Variants in TSPAN13 observed in about 807,000 individuals in gnomAD.
TSPAN13 encodes the protein tetraspanin 13.
Under a neutral mutation model 26.9 loss-of-function variants are expected in TSPAN13, and 18 were observed. That is an observed-to-expected ratio of 0.67 (90% confidence interval 0.46 to 0.99). The LOEUF is 0.99. TSPAN13 is among the 50% of genes least tolerant of loss of function. The pLI, the probability that TSPAN13 is intolerant of heterozygous loss-of-function variation, is 0.00. For missense variants in TSPAN13, 201 were observed against 249.6 expected, an observed-to-expected ratio of 0.81 and a Z score of 1.31; for synonymous variants, 116 against 98.4, an observed-to-expected ratio of 1.18 and a Z score of -1.06.
intron 1 of TSPAN13, among the ~76,000 whole-genome samples, chr7:16,774,967 T>C (rs763094152): frequency 4.6e-5 from 7 of 152,254 alleles, no homozygotes; most frequent in Non-Finnish European, 1.0e-4. Flanking sequence ...CCTGACAAAC[T>C]ATTGTATTAC....
chr7:16,776,878 A>G (rs1237495335), intron 2 of TSPAN13, among the ~76,000 whole-genome samples, 164 bp from the exon 3 acceptor site: 2 of 152,224 alleles, frequency 1.3e-5, no homozygotes, highest in Non-Finnish European at 2.9e-5. Flanking sequence ...ATGTATTACC[A>G]AAATAATAAT....
At position 16,753,803 on chromosome 7, in the gene TSPAN13, GC is replaced by G. The variant is rs1249289864; in HGVS notation, c.-163del. 8.9e-5 allele frequency: 53 copies of G among 596,950 alleles called. No homozygotes were observed. The highest frequency in any genetic ancestry group is 1.2e-4 in the Non-Finnish European group (46 of 370,096). 37.0% of individuals were successfully genotyped at this position (596,950 alleles called of 1,614,324 possible). A position where few individuals can be genotyped will look rare whatever the true frequency, so the allele number is the denominator to read the frequency against. On this transcript the variant is annotated 5_prime_UTR_variant, in exon 1 of 6. Transcript: ENST00000262067. ...GGTTCCAAAGCGGGTCCGAGCCGCCGCCGCGCGCGCGCCGCGCACTGCAGCC... is the reference window on the plus strand; with the variant it reads ...GGTTCCAAAGCGGGTCCGAGCCGCCGCGCGCGCGCGCCGCGCACTGCAGCC...
At chr7:16,761,062 G>A (rs117161352) in intron 1 of TSPAN13, among the ~76,000 whole-genome samples, 4 of 152,140 alleles carry the variant, frequency 2.6e-5, no homozygotes, top group Non-Finnish European at 5.9e-5. Context: ...TTGGAACTTT[G>A]TTGGCAGCTG....
In TSPAN13 at chr7:16,776,347, C is replaced by T. The variant is rs1784745082; in HGVS notation, c.200C>T (p.Ala67Val). The change falls in exon 2 of 6, where the codon GCT becomes GTT. Residue 67 changes from alanine (A) to valine (V), a missense_variant. Ala to Val is a moderately conservative substitution (Grantham distance 64). Coordinates refer to ENST00000262067, the MANE Select transcript of TSPAN13 (RefSeq NM_014399.4). The part of the protein sequence containing the change: ...FLIALVGLIG[A>V]VKHHQVLLFF... ...ATTGCTTTAGTGGGTCTGATTGGAG[C>T]TGTAAAACATCATCAGGTGTTGCTA... is the stretch of plus-strand genomic sequence containing the variant. The T allele has an allele frequency of 6.2e-7, 1 of 1,613,880 alleles. No homozygotes were observed. Among genetic ancestry groups the T allele is most frequent in the Admixed American group, 1.7e-5 (1 of 59,978 alleles).
chr7:16,758,749 C>T (rs1784509420), intron 1 of TSPAN13, among the ~76,000 whole-genome samples: 1 of 131,898 alleles, frequency 7.6e-6, no homozygotes, highest in Non-Finnish European at 1.7e-5. Flanking sequence ...TCTTGTAATA[C>T]CCTTTTTTTT....
chr7:16,764,897 G>C (rs563917741), intron 1 of TSPAN13, among the ~76,000 whole-genome samples: 1 of 151,812 alleles, frequency 6.6e-6, no homozygotes, highest in South Asian at 2.1e-4. Flanking sequence ...TTAGTGCCAT[G>C]GTGTTCTCTC....
chr7:16,760,086 C>T (rs1462944745), intron 1 of TSPAN13, among the ~76,000 whole-genome samples: 3 of 152,114 alleles, frequency 2.0e-5, no homozygotes, highest in African/African-American at 7.2e-5. Context: ...TCAGAGAAGT[C>T]AGGGGTGGAC....
intron 3 of TSPAN13, 36 bp from the exon 4 acceptor site, chr7:16,777,762 G>C (rs1451275458): frequency 1.3e-6 from 2 of 1,514,592 alleles, no homozygotes; most frequent in African/African-American, 2.7e-5. Context: ...TTTTCTGCAG[G>C]GATGACACAT....
chr7:16,779,400 G>T (rs192047225), intron 5 of TSPAN13, among the ~76,000 whole-genome samples: 64 of 152,196 alleles, frequency 4.2e-4, no homozygotes, highest in African/African-American at 1.5e-3. Flanking sequence ...CTACAGTTGT[G>T]TGATGAATTA....
rs1211398795 is a variant in TSPAN13, at chr7:16,753,788, C to A, written c.-180C>A. 4.1e-5 allele frequency: 20 copies of A among 491,400 alleles called. No individual in the cohort carries two copies. In the South Asian group the frequency reaches 5.5e-4, roughly 13 times the overall value. The allele number at this position is 491,400 out of a possible 1,614,324, so 30.4% of individuals were successfully genotyped here. Reference sequence around the variant, plus strand: ...GCTGCGGCGGCCGCAGGTTCCAAAGCGGGTCCGAGCCGCCGCCGCGCGCGC... The same window carrying A: ...GCTGCGGCGGCCGCAGGTTCCAAAGAGGGTCCGAGCCGCCGCCGCGCGCGC... On this transcript the variant is annotated 5_prime_UTR_variant, in exon 1 of 6. Transcript: ENST00000262067.
Position 16,779,007 on chromosome 7 carries a change from G to C in TSPAN13, c.431G>C (p.Cys144Ser). 1 of 1,610,616 alleles carries C rather than the reference G, an allele frequency of 6.2e-7. No individual in the cohort carries two copies. Among genetic ancestry groups the C allele is most frequent in the Non-Finnish European group, 8.5e-7 (1 of 1,177,972 alleles). The change falls in exon 5 of 6, where the codon TGT becomes TCT. Residue 144 changes from cysteine to serine, a missense_variant. Transcript: ENST00000262067. ...TTTTTACTTTAATTGGTGCAGAGCTGTGTTAAAAGTGACCACTCGTGCTCG... is the reference window on the plus strand; with the variant it reads ...TTTTTACTTTAATTGGTGCAGAGCTCTGTTAAAAGTGACCACTCGTGCTCG... Reference protein sequence around the residue: ...VNPNDTCLASCVKSDHSCSPC... With the variant: ...VNPNDTCLASSVKSDHSCSPC...
At chr7:16,754,494 T>C (rs1022384827) in intron 1 of TSPAN13, among the ~76,000 whole-genome samples, 1 of 152,210 alleles carries the variant, frequency 6.6e-6, no homozygotes, top group African/African-American at 2.4e-5. Context: ...CTGGTGTGCC[T>C]CTGGGTTAGC....
chr7:16,755,998 C>G (rs1349202647), intron 1 of TSPAN13, among the ~76,000 whole-genome samples: 1 of 152,118 alleles, frequency 6.6e-6, no homozygotes, highest in African/African-American at 2.4e-5. Flanking sequence ...CCTTTTAAAT[C>G]ATAGACTTTT....
In TSPAN13 at chr7:16,777,116, G is replaced by A. The variant is rs111619933; in HGVS notation, c.306G>A (p.Glu102=). ...VSCACLALNQ[E]QQGQLLEVGW... is the part of the protein sequence containing the mutation. ...GCGCTTGTTTAGCCCTGAACCAGGA[G>A]CAACAGGTAAGCTAAGACTTTTTTC... The change falls in exon 3 of 6, where the codon GAG becomes GAA. Residue 102 remains glutamate, a synonymous_variant. Transcript: ENST00000262067. The A allele has an allele frequency of 5.2e-4, 845 of 1,612,632 alleles. 3 individuals are homozygous for A. The African/African-American group carries it at 7.6e-3, about 15-fold the overall frequency.
At chr7:16,764,254 CCTGACCTCGTGAT>C (rs372600289) in intron 1 of TSPAN13, among the ~76,000 whole-genome samples, 542 of 151,754 alleles carry the variant, frequency 3.6e-3, no homozygotes, top group Middle Eastern at 0.027. Context: ...GTCTCAAACT[CCTGACCTCGTGAT>C]CTGCCCGCCT....
Position 16,776,295 on chromosome 7 carries a change from A to G in TSPAN13, c.148A>G (p.Ile50Val), listed in dbSNP as rs1043056694. 1.9e-6 allele frequency: 3 copies of G among 1,614,098 alleles called. No homozygotes were observed. Among genetic ancestry groups the G allele is most frequent in the South Asian group, 1.1e-5 (1 of 91,068 alleles). Residue 50 changes from isoleucine (I) to valine (V), a missense_variant, in exon 2 of 6, where the codon ATT becomes GTT. Coordinates refer to ENST00000262067, the MANE Select transcript of TSPAN13 (RefSeq NM_014399.4). The stretch of plus-strand genomic sequence containing the variant: ...CAGTCTCCGAGTGGTCGGCGTGGTC[A>G]TTGCAGTGGGCATCTTCTTGTTCCT... ...ISSLRVVGVVIAVGIFLFLIA... is the reference protein window; with the variant it reads ...ISSLRVVGVVVAVGIFLFLIA...
intron 1 of TSPAN13, among the ~76,000 whole-genome samples, chr7:16,774,011 T>A (rs1380383): frequency 0.22 from 33,748 of 152,120 alleles, 4,308 homozygotes; most frequent in African/African-American, 0.35. Flanking sequence ...CGCAAAAATA[T>A]TTGTAGATGT....
Position 16,783,705 on chromosome 7 carries a change from G to A in TSPAN13, c.*214G>A. On this transcript the variant is annotated 3_prime_UTR_variant, in exon 6 of 6. Coordinates refer to ENST00000262067, the MANE Select transcript of TSPAN13 (RefSeq NM_014399.4). The stretch of plus-strand genomic sequence containing the variant: ...TGAAACTTGTGGTCTCTGAAGCTCG[G>A]TGGCACCTGGAATTTACTGTATTCA... 1 of 556,042 alleles carries A rather than the reference G, an allele frequency of 1.8e-6. No homozygotes were observed. Among genetic ancestry groups the A allele is most frequent in the Non-Finnish European group, 3.2e-6 (1 of 315,114 alleles). 34.4% of individuals were successfully genotyped at this position (556,042 alleles called of 1,614,324 possible).
rs902256156 is a variant in TSPAN13, at chr7:16,776,135, T to A, written c.64-76T>A. On this transcript the variant is annotated intron_variant, in intron 1 of 5. Coordinates refer to ENST00000262067, the MANE Select transcript of TSPAN13 (RefSeq NM_014399.4). ...AGGTGCCTGAAGGATATTGTTGATA[T>A]TTAATTAACTGGCATTTTCCCCATT... The A allele has an allele frequency of 7.5e-6, 11 of 1,462,120 alleles. No individual in the cohort carries two copies. The African/African-American group carries it at 1.3e-4, about 17-fold the overall frequency. The allele number at this position is 1,462,120 out of a possible 1,614,324, so 90.6% of individuals were successfully genotyped here.
Sources: allele counts gnomAD v4.1 joint callset (sites outside exome capture counted in the v4.1 genomes callset), GRCh38; gene constraint gnomAD v4.1.1; transcripts MANE v1.5; gene names NCBI Gene and HGNC (gene_info 2026-07-23, HGNC 2026-07-21).